Variants in RBFOX1 observed in about 807,000 individuals in gnomAD.
RBFOX1 encodes the protein RNA binding fox-1 homolog 1.
RBFOX1 carries 8 observed loss-of-function variants against 57.7 expected under a neutral mutation model. That is an observed-to-expected ratio of 0.14 (90% CI 0.08 to 0.25). The LOEUF (loss-of-function observed/expected upper bound fraction) is 0.25, where lower values mean the gene tolerates loss of function less well. RBFOX1 is among the 10% of genes least tolerant of loss of function. The probability of loss-of-function intolerance (pLI) is 1.00; values close to 1 mark genes in which losing one functional copy is unlikely to be tolerated. For missense variants in RBFOX1, 611 were observed against 548.5 expected, an observed-to-expected ratio of 1.11 and a Z score of -1.14; for synonymous variants, 326 against 222.4, an observed-to-expected ratio of 1.47 and a Z score of -4.15.
At position 5,827,873 on chromosome 16, in the gene RBFOX1, C is replaced by T. The variant is rs374014496; in HGVS notation, c.319-39430C>T. 1.3e-4 allele frequency among the ~76,000 whole-genome samples: 11 copies of T among 83,218 alleles called. No homozygotes were observed. The East Asian group carries it at 2.8e-3, about 21-fold the overall frequency. 54.6% of individuals were successfully genotyped at this position (83,218 alleles called of 152,430 possible). On this transcript the variant is annotated intron_variant, in intron 3 of 19. Transcript: ENST00000641259. Reference sequence around the variant, plus strand: ...CCCACCCACTCATCCAGGCTTTTGTCCATCCATCCATCCATCCATCCATCC... The same window carrying T: ...CCCACCCACTCATCCAGGCTTTTGTTCATCCATCCATCCATCCATCCATCC...
chr16:7,294,570 C>A (rs1349170747), intron 4 of RBFOX1, among the ~76,000 whole-genome samples: 1 of 150,284 alleles, frequency 6.7e-6, no homozygotes, highest in Non-Finnish European at 1.5e-5. Flanking sequence ...TTTTGAAAAG[C>A]TTAGGGCAAG....
intron 2 of RBFOX1, among the ~76,000 whole-genome samples, chr16:6,539,309 A>G (rs2153829940): frequency 6.6e-6 from 1 of 152,300 alleles, no homozygotes; most frequent in East Asian, 1.9e-4. Context: ...TCCCAAATAA[A>G]TCATGGAATA....
At chr16:7,202,510 G>T (rs1326521805) in intron 4 of RBFOX1, among the ~76,000 whole-genome samples, 2 of 152,194 alleles carry the variant, frequency 1.3e-5, no homozygotes, top group East Asian at 1.9e-4. Context: ...TAGAGCAGGG[G>T]TCCCCAGTCC....
chr16:6,062,628 AACATAT>A (rs1003903832), intron 1 of RBFOX1, among the ~76,000 whole-genome samples: 11 of 146,254 alleles, frequency 7.5e-5, no homozygotes, highest in African/African-American at 2.5e-4. Context: ...AAATATATAT[AACATAT>A]ACATATATAC....
chr16:7,354,612 A>G (rs1020334108), intron 4 of RBFOX1, among the ~76,000 whole-genome samples: 1 of 152,196 alleles, frequency 6.6e-6, no homozygotes, highest in Non-Finnish European at 1.5e-5. Flanking sequence ...TTTAAGCACT[A>G]TTACCGTGCC....
At chr16:7,302,458 C>G (rs544600678) in intron 4 of RBFOX1, among the ~76,000 whole-genome samples, 10 of 151,944 alleles carry the variant, frequency 6.6e-5, no homozygotes, top group Non-Finnish European at 1.3e-4. Context: ...TGGGATGTCC[C>G]TGGTGGCCAG....
At chr16:6,570,485 T>G (rs533610302) in intron 2 of RBFOX1, among the ~76,000 whole-genome samples, 1 of 152,266 alleles carries the variant, frequency 6.6e-6, no homozygotes, top group African/African-American at 2.4e-5. Flanking sequence ...AAAGATCCAC[T>G]GTACTCTCTC....
intron 3 of RBFOX1, among the ~76,000 whole-genome samples, chr16:5,766,997 C>T (rs768598416): frequency 6.6e-6 from 1 of 152,178 alleles, no homozygotes; most frequent in African/African-American, 2.4e-5. Context: ...TTTTCTGTAT[C>T]TGTTAGTTTG....
At chr16:6,805,529 C>G (rs572075685) in intron 3 of RBFOX1, among the ~76,000 whole-genome samples, 1 of 151,784 alleles carries the variant, frequency 6.6e-6, no homozygotes, top group Non-Finnish European at 1.5e-5. Flanking sequence ...TACCTCTGAG[C>G]CTAAAATAAA....
intron 4 of RBFOX1, among the ~76,000 whole-genome samples, chr16:7,469,173 A>T (rs1287701753): frequency 6.6e-6 from 1 of 151,982 alleles, no homozygotes; most frequent in African/African-American, 2.4e-5. Context: ...TGACCTCATG[A>T]TCTACCCGAC....
chr16:6,202,450 G>A (rs768509511), intron 1 of RBFOX1, among the ~76,000 whole-genome samples: 3 of 152,040 alleles, frequency 2.0e-5, no homozygotes, highest in Non-Finnish European at 4.4e-5. Context: ...GGAGGACACC[G>A]AGGCTTGGAG....
At chr16:5,890,125 G>T (rs2058011887) in intron 4 of RBFOX1, among the ~76,000 whole-genome samples, 1 of 152,170 alleles carries the variant, frequency 6.6e-6, no homozygotes, top group Admixed American at 6.5e-5. Context: ...GGTCATGGAG[G>T]GAGGATATGA....
At chr16:5,813,986 G>A (rs1011452032) in intron 3 of RBFOX1, among the ~76,000 whole-genome samples, 4 of 152,316 alleles carry the variant, frequency 2.6e-5, no homozygotes, top group African/African-American at 9.6e-5. Flanking sequence ...CTTTTGCACC[G>A]ACTTAATACA....
intron 2 of RBFOX1, among the ~76,000 whole-genome samples, chr16:6,542,450 C>T (rs76191774): frequency 0.028 from 4,063 of 146,132 alleles, 198 homozygotes; most frequent in African/African-American, 0.096. Flanking sequence ...AGTGGATAAT[C>T]GCATGATCCA....
chr16:6,917,102 T>C (rs2073364987), intron 3 of RBFOX1, among the ~76,000 whole-genome samples: 1 of 152,222 alleles, frequency 6.6e-6, no homozygotes, highest in Non-Finnish European at 1.5e-5. Context: ...CCACCTGCCT[T>C]GGCCTCCCAG....
At chr16:7,320,610 T>C (rs2096528898) in intron 4 of RBFOX1, among the ~76,000 whole-genome samples, 1 of 152,220 alleles carries the variant, frequency 6.6e-6, no homozygotes, top group African/African-American at 2.4e-5. Flanking sequence ...CAAACTTGCT[T>C]AAGCAAAAAT....
At chr16:6,000,985 A>G (rs888661748) in intron 4 of RBFOX1, among the ~76,000 whole-genome samples, 1 of 151,654 alleles carries the variant, frequency 6.6e-6, no homozygotes, top group Non-Finnish European at 1.5e-5. Flanking sequence ...GGGTGGATGG[A>G]TAGCTGGGTG....
At chr16:6,892,239 C>T (rs372316674) in intron 3 of RBFOX1, among the ~76,000 whole-genome samples, 1 of 152,140 alleles carries the variant, frequency 6.6e-6, no homozygotes, top group South Asian at 2.1e-4. Flanking sequence ...TTCAATTCTT[C>T]ACATTTTTGA....
At chr16:7,625,062 G>A (rs1402081308) in intron 10 of RBFOX1, among the ~76,000 whole-genome samples, 1 of 152,140 alleles carries the variant, frequency 6.6e-6, no homozygotes, top group African/African-American at 2.4e-5. Flanking sequence ...TGAGGAGGCG[G>A]TGTCTGATTT....
Sources: allele counts gnomAD v4.1 joint callset (sites outside exome capture counted in the v4.1 genomes callset), GRCh38; gene constraint gnomAD v4.1.1; transcripts MANE v1.5; gene names NCBI Gene and HGNC (gene_info 2026-07-23, HGNC 2026-07-21).